CFAP95: variants seen among roughly 807,000 people sequenced by gnomAD.
The protein encoded by CFAP95 is cilia- and flagella-associated protein 95.
the CFAP95 span, among the ~76,000 whole-genome samples, chr9:69,839,342 C>T: frequency 2.6e-4 from 39 of 149,152 alleles, 1 homozygote; most frequent in East Asian, 4.7e-3. Flanking sequence ...TGGTAGAATT[C>T]GGCTGTGAAT....
chr9:69,844,656 C>A, the CFAP95 span: 3 of 1,490,764 alleles, frequency 2.0e-6, no homozygotes, highest in East Asian at 2.3e-5. Context: ...CGTTTGAAGT[C>A]TGAAATCTTT....
the CFAP95 span, chr9:69,821,165 T>G: frequency 2.2e-6 from 2 of 918,524 alleles, no homozygotes; most frequent in Non-Finnish European, 1.5e-6. Flanking sequence ...GAAAAAAGAA[T>G]GAGAAAAGTG....
chr9:69,888,725 A>G, the CFAP95 span, among the ~76,000 whole-genome samples: 1 of 152,052 alleles, frequency 6.6e-6, no homozygotes, highest in African/African-American at 2.4e-5. Context: ...AAAAAATACA[A>G]AAATTGGCCA....
At chr9:69,879,620 G>T in the CFAP95 span, among the ~76,000 whole-genome samples, 2 of 152,186 alleles carry the variant, frequency 1.3e-5, no homozygotes, top group Admixed American at 6.5e-5. Flanking sequence ...ATCAAAGGGT[G>T]AACTTTAGGA....
the CFAP95 span, among the ~76,000 whole-genome samples, chr9:69,845,708 C>T: frequency 6.9e-6 from 1 of 144,814 alleles, no homozygotes; most frequent in Non-Finnish European, 1.6e-5. Context: ...AGCAAACTTG[C>T]AGGAACTAAC....
At chr9:69,898,847 A>C in the CFAP95 span, among the ~76,000 whole-genome samples, 1 of 152,170 alleles carries the variant, frequency 6.6e-6, no homozygotes, top group African/African-American at 2.4e-5. Context: ...AAAATGTCTA[A>C]AATGTGACTC....
At chr9:69,906,024 G>T in the CFAP95 span, 4 of 1,613,292 alleles carry the variant, frequency 2.5e-6, no homozygotes, top group East Asian at 6.7e-5. Context: ...GATCTAAATG[G>T]TTCTAAAAGA....
chr9:69,882,562 A>C, the CFAP95 span, among the ~76,000 whole-genome samples: 1 of 152,324 alleles, frequency 6.6e-6, no homozygotes, highest in East Asian at 1.9e-4. Context: ...TTCTGCATTC[A>C]GTATGACACT....
the CFAP95 span, among the ~76,000 whole-genome samples, chr9:69,865,099 G>A: frequency 6.6e-6 from 1 of 152,106 alleles, no homozygotes; most frequent in Non-Finnish European, 1.5e-5. Context: ...TCTCTTGATA[G>A]TGAGTGACTT....
At chr9:69,830,903 T>C in the CFAP95 span, among the ~76,000 whole-genome samples, 1 of 152,284 alleles carries the variant, frequency 6.6e-6, no homozygotes, top group African/African-American at 2.4e-5. Flanking sequence ...AAAGCGATCC[T>C]CCAACCTTGG....
the CFAP95 span, among the ~76,000 whole-genome samples, chr9:69,832,249 C>T: frequency 7.3e-6 from 1 of 137,194 alleles, no homozygotes; most frequent in Non-Finnish European, 1.6e-5. Context: ...ACCCAGACCT[C>T]TAACAAATAA....
At chr9:69,889,249 A>G in the CFAP95 span, among the ~76,000 whole-genome samples, 1 of 152,216 alleles carries the variant, frequency 6.6e-6, no homozygotes, top group Non-Finnish European at 1.5e-5. Context: ...TAAGGGCTTG[A>G]ACTTTGCTAA....
the CFAP95 span, among the ~76,000 whole-genome samples, chr9:69,871,601 T>A: frequency 6.6e-6 from 1 of 150,628 alleles, no homozygotes; most frequent in African/African-American, 2.4e-5. Context: ...GGCATTGACA[T>A]CTACTTGAAG....
chr9:69,894,018 C>T, the CFAP95 span, among the ~76,000 whole-genome samples: 10 of 152,120 alleles, frequency 6.6e-5, no homozygotes, highest in African/African-American at 2.2e-4. Flanking sequence ...TCTTATAATC[C>T]CTGCCAGAGT....
chr9:69,867,835 T>C, the CFAP95 span, among the ~76,000 whole-genome samples: 1,544 of 152,336 alleles, frequency 0.01, 26 homozygotes, highest in African/African-American at 0.035. Flanking sequence ...ACTGGAGCCA[T>C]GTGAATGAGC....
the CFAP95 span, among the ~76,000 whole-genome samples, chr9:69,905,273 T>C: frequency 6.6e-6 from 1 of 152,214 alleles, no homozygotes; most frequent in African/African-American, 2.4e-5. Context: ...TGCTTTAAAA[T>C]TAGAGCCAAT....
At chr9:69,833,574 G>A in the CFAP95 span, among the ~76,000 whole-genome samples, 1 of 152,084 alleles carries the variant, frequency 6.6e-6, no homozygotes, top group African/African-American at 2.4e-5. Flanking sequence ...GCAGCTGCGG[G>A]AAATGTAACT....
the CFAP95 span, among the ~76,000 whole-genome samples, chr9:69,863,888 A>C: frequency 2.2e-3 from 334 of 152,316 alleles, no homozygotes; most frequent in African/African-American, 7.2e-3. Flanking sequence ...TCTTTAAAAA[A>C]AGGAAGGAAA....
At chr9:69,881,097 T>C in the CFAP95 span, among the ~76,000 whole-genome samples, 1 of 152,320 alleles carries the variant, frequency 6.6e-6, no homozygotes, top group East Asian at 1.9e-4. Flanking sequence ...GTAAATATTT[T>C]CTCCAATTCT....
Sources: allele counts gnomAD v4.1 joint callset (sites outside exome capture counted in the v4.1 genomes callset), GRCh38; gene constraint gnomAD v4.1.1; transcripts MANE v1.5; gene names NCBI Gene and HGNC (gene_info 2026-07-23, HGNC 2026-07-21).